Variants in COL28A1 observed in about 807,000 individuals in gnomAD.
COL28A1 encodes collagen alpha-1(XXVIII) chain.
In COL28A1, 161 loss-of-function variants were observed where a neutral mutation model predicts 150.2. That is an observed-to-expected ratio of 1.07 (90% CI 0.94 to 1.22). The LOEUF is 1.22. Ranked by LOEUF, COL28A1 falls within the 50% of genes most tolerant of loss-of-function variation. The probability of loss-of-function intolerance (pLI) is 0.00; values close to 1 mark genes in which losing one functional copy is unlikely to be tolerated. For synonymous variants in COL28A1, 552 were observed against 469.7 expected, an observed-to-expected ratio of 1.18 and a Z score of -2.26; for missense variants, 1,617 against 1,388.3, an observed-to-expected ratio of 1.16 and a Z score of -2.62.
intron 10 of COL28A1, 23 bp downstream of exon 10, chr7:7,507,094 A>G: frequency 1.9e-6 from 2 of 1,030,236 alleles, no homozygotes; most frequent in Admixed American, 1.7e-5. Flanking sequence ...ATTCAAACTT[A>G]GATTTGGTTT....
chr7:7,422,355 G>C (rs1286787958), intron 25 of COL28A1, among the ~76,000 whole-genome samples: 1 of 152,172 alleles, frequency 6.6e-6, no homozygotes, highest in Non-Finnish European at 1.5e-5. Flanking sequence ...GCCAGGTTGG[G>C]CGCAGTGGCT....
chr7:7,509,801 G>C (rs1781024251), intron 9 of COL28A1, among the ~76,000 whole-genome samples: 1 of 152,042 alleles, frequency 6.6e-6, no homozygotes, highest in Non-Finnish European at 1.5e-5. Flanking sequence ...TTCTATGTGT[G>C]TCCCTTTTTC....
chr7:7,388,381 A>T (rs1024890002), intron 27 of COL28A1, among the ~76,000 whole-genome samples: 2 of 151,978 alleles, frequency 1.3e-5, no homozygotes, highest in African/African-American at 2.4e-5. Flanking sequence ...CATGGTGTAT[A>T]TTGCCACTTT....
chr7:7,381,669 T>C, intron 27 of COL28A1, 57 bp from the exon 28 acceptor site: 2 of 1,348,032 alleles, frequency 1.5e-6, no homozygotes, highest in Non-Finnish European at 2.1e-6. Context: ...GCTTGGCTAT[T>C]CTTTGGGTCA....
At chr7:7,504,903 A>G (rs116032032) in intron 11 of COL28A1, among the ~76,000 whole-genome samples, 2,558 of 152,300 alleles carry the variant, frequency 0.017, 90 homozygotes, top group African/African-American at 0.058. Flanking sequence ...TGGTCTGTCA[A>G]AATATATATT....
At chr7:7,431,552 G>A (rs1383076043) in intron 25 of COL28A1, 6 of 471,066 alleles carry the variant, frequency 1.3e-5, no homozygotes, top group Admixed American at 7.0e-5. Flanking sequence ...AAGTAGGGCA[G>A]GCCATTTTGG....
the COL28A1 span, among the ~76,000 whole-genome samples, chr7:7,543,157 T>C: frequency 2.0e-5 from 3 of 152,352 alleles, no homozygotes; most frequent in African/African-American, 7.2e-5. Flanking sequence ...ATTGCTTTCA[T>C]TGATTTTTGG....
At chr7:7,403,127 C>G (rs963376273) in intron 27 of COL28A1, among the ~76,000 whole-genome samples, 4 of 152,134 alleles carry the variant, frequency 2.6e-5, no homozygotes, top group African/African-American at 9.7e-5. Context: ...TTCTGGAGGA[C>G]AGACTATCTA....
intron 27 of COL28A1, among the ~76,000 whole-genome samples, chr7:7,384,494 C>G (rs1316569856): frequency 6.6e-6 from 1 of 152,168 alleles, no homozygotes; most frequent in Non-Finnish European, 1.5e-5. Flanking sequence ...TTGAGAGAGA[C>G]CACATTCACA....
rs764828519 is a variant in COL28A1, at chr7:7,497,078, GAAGA to G, written c.1027-6436_1027-6433del. Among the ~76,000 whole-genome samples the G allele has an allele frequency of 1.1e-4, 15 of 135,824 alleles. No homozygotes were observed. The East Asian group carries it at 1.3e-3, about 12-fold the overall frequency. The allele number at this position is 135,824 out of a possible 152,430, so 89.1% of individuals were successfully genotyped here. On this transcript the variant is annotated intron_variant, in intron 11 of 34. Transcript: ENST00000399429. ...GGGAGGGAAGAAGGAAGAAAGGAAG[GAAGA>G]AAGGAAGGAAGAAAGGAAGGAAGGA...
At chr7:7,485,240 G>A (rs1035038390) in intron 13 of COL28A1, among the ~76,000 whole-genome samples, 8 of 152,002 alleles carry the variant, frequency 5.3e-5, no homozygotes, top group African/African-American at 1.7e-4. Context: ...TACATACCAA[G>A]TTGTGCATGT....
In COL28A1 at chr7:7,373,816, C is replaced by T. The variant is rs1326528830; in HGVS notation, c.2360-270G>A. On this transcript the variant is annotated intron_variant, in intron 31 of 34. Transcript: ENST00000399429. The surrounding 1 kb of genome is among the most constrained non-coding windows in gnomAD (Gnocchi z 4.1). ...TGGGATTCACGCCATTCTCCAGCCT[C>T]AGCCTCCCGAGTAGCTGGGACTACA... Among the ~76,000 whole-genome samples the T allele has an allele frequency of 1.3e-5, 2 of 151,432 alleles. No homozygotes were observed. The highest frequency in any genetic ancestry group is 2.4e-5 in the African/African-American group (1 of 41,168).
In COL28A1 at chr7:7,535,771, G is replaced by C. The variant is rs186417719; in HGVS notation, c.-59C>G. The C allele has an allele frequency of 1.8e-4, 28 of 152,170 alleles. No individual in the cohort carries two copies. Among genetic ancestry groups the C allele is most frequent in the African/African-American group, 6.8e-4 (28 of 41,448 alleles). 9.4% of individuals were successfully genotyped at this position (152,170 alleles called of 1,614,324 possible). Reference sequence around the variant, plus strand: ...TTACCTTATAAAGTTTGTCAAACAGGAATTAAAGACTAGTTGAGTAAATGC... The same window carrying C: ...TTACCTTATAAAGTTTGTCAAACAGCAATTAAAGACTAGTTGAGTAAATGC... On this transcript the variant is annotated 5_prime_UTR_variant, in exon 1 of 35. Coordinates refer to ENST00000399429, the MANE Select transcript of COL28A1 (RefSeq NM_001037763.3).
intron 27 of COL28A1, among the ~76,000 whole-genome samples, chr7:7,383,081 CCTAT>C (rs750123030): frequency 6.6e-6 from 1 of 152,032 alleles, no homozygotes; most frequent in Non-Finnish European, 1.5e-5. Context: ...AAAGTAAACA[CCTAT>C]CTACCACGTT....
At chr7:7,522,495 A>T (rs1005000658) in intron 4 of COL28A1, among the ~76,000 whole-genome samples, 1 of 152,196 alleles carries the variant, frequency 6.6e-6, no homozygotes, top group Non-Finnish European at 1.5e-5. Flanking sequence ...AATCAGAATG[A>T]GTCTTATAAC....
intron 15 of COL28A1, among the ~76,000 whole-genome samples, chr7:7,471,783 T>G (rs1182231472): frequency 6.6e-6 from 1 of 152,126 alleles, no homozygotes; most frequent in Admixed American, 6.5e-5. Context: ...CAATCCCAGC[T>G]ACTCAGGAGG....
At chr7:7,404,795 A>T (rs774010674) in intron 27 of COL28A1, among the ~76,000 whole-genome samples, 15 of 152,030 alleles carry the variant, frequency 9.9e-5, no homozygotes, top group Non-Finnish European at 1.9e-4. Context: ...ACAAAGTCTC[A>T]TTTTTGTCTC....
intron 6 of COL28A1, among the ~76,000 whole-genome samples, chr7:7,519,093 G>A (rs189748112): frequency 6.6e-6 from 1 of 152,124 alleles, no homozygotes; most frequent in African/African-American, 2.4e-5. Flanking sequence ...CCTGAGACTG[G>A]GTAGTTTATA....
chr7:7,460,119 C>A (rs1229791410), intron 15 of COL28A1, among the ~76,000 whole-genome samples: 1 of 152,156 alleles, frequency 6.6e-6, no homozygotes, highest in Non-Finnish European at 1.5e-5. Context: ...CCCAAAATCA[C>A]CTAACACAAG....
Sources: allele counts gnomAD v4.1 joint callset (sites outside exome capture counted in the v4.1 genomes callset), GRCh38; gene constraint gnomAD v4.1.1; non-coding constraint Gnocchi (gnomAD v3.1); transcripts MANE v1.5; gene names NCBI Gene and HGNC (gene_info 2026-07-23, HGNC 2026-07-21).